Variants in L3MBTL4 observed in about 807,000 individuals in gnomAD.
The protein encoded by L3MBTL4 is lethal(3)malignant brain tumor-like protein 4.
Under a neutral mutation model 84.5 loss-of-function variants are expected in L3MBTL4, and 70 were observed. That is an observed-to-expected ratio of 0.83 (90% CI 0.68 to 1.01). L3MBTL4 has a LOEUF of 1.01. L3MBTL4 is among the 50% of genes least tolerant of loss of function. The probability of loss-of-function intolerance (pLI) is 0.00; values close to 1 mark genes in which losing one functional copy is unlikely to be tolerated. For missense variants in L3MBTL4, 715 were observed against 754.8 expected (o/e 0.95, Z 0.62); for synonymous variants, 274 against 259.8 (o/e 1.05, Z -0.52).
Position 6,215,849 on chromosome 18 carries a change from T to A in L3MBTL4, c.785-14A>T. The A allele has an allele frequency of 7.1e-7, 1 of 1,404,018 alleles. No individual in the cohort carries two copies. The highest frequency in any genetic ancestry group is 9.9e-7 in the Non-Finnish European group (1 of 1,010,788). The allele number at this position is 1,404,018 out of a possible 1,614,324, so 87.0% of individuals were successfully genotyped here. On this transcript the variant is annotated splice_polypyrimidine_tract_variant and intron_variant, in intron 10 of 18. Transcript: ENST00000317931. ...GATTGGGATAACCTGAAAATATATA[T>A]ATATAAATAGCAAAAGATTACTCAT...
At chr18:6,296,992 G>T (rs1357778341) in intron 4 of L3MBTL4, among the ~76,000 whole-genome samples, 4 of 152,156 alleles carry the variant, frequency 2.6e-5, no homozygotes, top group African/African-American at 7.2e-5. Flanking sequence ...GGGAACAAAA[G>T]TGAGTTCGGT....
At chr18:6,172,905 T>C (rs1051272908) in intron 12 of L3MBTL4, among the ~76,000 whole-genome samples, 16 of 152,198 alleles carry the variant, frequency 1.1e-4, no homozygotes, top group African/African-American at 3.6e-4. Context: ...CAAAATTCTA[T>C]ATATTCAGTC....
At chr18:6,228,672 A>G (rs2046875973) in intron 10 of L3MBTL4, among the ~76,000 whole-genome samples, 1 of 152,120 alleles carries the variant, frequency 6.6e-6, no homozygotes, top group Non-Finnish European at 1.5e-5. Flanking sequence ...AAACAAAACC[A>G]CAGTGAAACA....
At chr18:6,085,607 T>C (rs758297354) in intron 15 of L3MBTL4, among the ~76,000 whole-genome samples, 3 of 152,174 alleles carry the variant, frequency 2.0e-5, no homozygotes, top group Non-Finnish European at 4.4e-5. Context: ...TAGTGTTTGG[T>C]AGTTCCTCCT....
chr18:6,280,065 T>G (rs2049259936), intron 4 of L3MBTL4, among the ~76,000 whole-genome samples: 1 of 152,190 alleles, frequency 6.6e-6, no homozygotes, highest in Admixed American at 6.5e-5. Context: ...CAAAATCATA[T>G]CTCAACTCCA....
At chr18:6,411,666 A>T (rs143528746) in intron 1 of L3MBTL4, among the ~76,000 whole-genome samples, 2 of 152,054 alleles carry the variant, frequency 1.3e-5, no homozygotes, top group East Asian at 3.9e-4. Context: ...CTGGGCATGG[A>T]CCATAGCCAT....
At chr18:6,050,964 TGA>T (rs2056818438) in intron 16 of L3MBTL4, among the ~76,000 whole-genome samples, 1 of 152,192 alleles carries the variant, frequency 6.6e-6, no homozygotes, top group South Asian at 2.1e-4. Flanking sequence ...GAAGCCGATG[TGA>T]GAGGTGCTGG....
chr18:6,393,464 T>C (rs550887452), intron 1 of L3MBTL4, among the ~76,000 whole-genome samples: 21 of 152,318 alleles, frequency 1.4e-4, no homozygotes, highest in South Asian at 8.3e-4. Flanking sequence ...CTAATGCTAA[T>C]GCTAGAAGCT....
intron 14 of L3MBTL4, among the ~76,000 whole-genome samples, chr18:6,125,600 A>G (rs1329811378): frequency 6.6e-6 from 1 of 151,916 alleles, no homozygotes; most frequent in African/African-American, 2.4e-5. Context: ...CACTAATGTC[A>G]TGTATTTTTT....
At chr18:6,057,270 C>T (rs35622499) in intron 16 of L3MBTL4, among the ~76,000 whole-genome samples, 8 of 152,120 alleles carry the variant, frequency 5.3e-5, no homozygotes, top group Non-Finnish European at 8.8e-5. Context: ...CTAAGGTGAT[C>T]GTGATCTGCC....
chr18:6,124,974 A>T (rs912586925), intron 14 of L3MBTL4, among the ~76,000 whole-genome samples: 17 of 152,106 alleles, frequency 1.1e-4, no homozygotes, highest in African/African-American at 3.6e-4. Context: ...AGAAAAGATA[A>T]ATATTTAGCA....
chr18:6,038,751 A>T (rs1469040840), intron 16 of L3MBTL4, among the ~76,000 whole-genome samples: 1 of 152,190 alleles, frequency 6.6e-6, no homozygotes, highest in East Asian at 1.9e-4. Flanking sequence ...AAAACTTGAC[A>T]GTCTTTGCCT....
At chr18:6,202,590 T>C (rs939936594) in intron 12 of L3MBTL4, among the ~76,000 whole-genome samples, 1 of 152,058 alleles carries the variant, frequency 6.6e-6, no homozygotes, top group African/African-American at 2.4e-5. Flanking sequence ...ACTGCAGTCA[T>C]AGGAATGGAG....
At chr18:6,143,923 C>T (rs145555264) in intron 13 of L3MBTL4, among the ~76,000 whole-genome samples, 72 of 152,208 alleles carry the variant, frequency 4.7e-4, no homozygotes, top group African/African-American at 1.6e-3. Context: ...AACGGCTGGG[C>T]GCGGTGGCTC....
rs16949375 is a variant in L3MBTL4 at position 6,080,608 on chromosome 18, T to G, written c.1444+273A>C. Among the ~76,000 whole-genome samples the G allele has an allele frequency of 7.4e-3, 1,130 of 152,284 alleles. 18 individuals are homozygous for G. The highest frequency in any genetic ancestry group is 0.026 in the African/African-American group (1,070 of 41,544). Reference sequence around the variant, plus strand: ...GGATTCAACCATTGAACCTCTAACTTCTGTTGGTTTACACTTTTCCTATCA... The same window carrying G: ...GGATTCAACCATTGAACCTCTAACTGCTGTTGGTTTACACTTTTCCTATCA... On this transcript the variant is annotated intron_variant, in intron 16 of 18. Coordinates refer to ENST00000317931, the MANE Select transcript of L3MBTL4 (RefSeq NM_001330559.2).
chr18:6,056,032 G>T (rs56993823), intron 16 of L3MBTL4, among the ~76,000 whole-genome samples: 64 of 152,192 alleles, frequency 4.2e-4, no homozygotes, highest in African/African-American at 1.4e-3. Context: ...CAGTGTTTCG[G>T]GGGGAGTGGT....
chr18:6,170,848 C>T (rs1032275140), intron 13 of L3MBTL4, among the ~76,000 whole-genome samples: 48 of 152,096 alleles, frequency 3.2e-4, no homozygotes, highest in Admixed American at 2.1e-3. Flanking sequence ...ATGCTGGCGC[C>T]CTTCCCTACT....
intron 16 of L3MBTL4, among the ~76,000 whole-genome samples, chr18:6,023,636 T>C (rs1207329722): frequency 6.6e-6 from 1 of 152,180 alleles, no homozygotes; most frequent in Non-Finnish European, 1.5e-5. Context: ...GTTTAATAGT[T>C]TACAACTATT....
intron 4 of L3MBTL4, among the ~76,000 whole-genome samples, chr18:6,269,001 C>T (rs1473733438): frequency 1.3e-5 from 2 of 152,152 alleles, no homozygotes; most frequent in African/African-American, 2.4e-5. Flanking sequence ...ATCCCTAGCT[C>T]GGGCACCCCC....
Sources: allele counts gnomAD v4.1 joint callset (sites outside exome capture counted in the v4.1 genomes callset), GRCh38; gene constraint gnomAD v4.1.1; transcripts MANE v1.5; gene names NCBI Gene and HGNC (gene_info 2026-07-23, HGNC 2026-07-21).